The following SLC35F1 variants were observed in gnomAD, a reference collection of about 807,000 sequenced individuals.
The protein encoded by SLC35F1 is solute carrier family 35 member F1, also known as chromosome 6 open reading frame 169.
SLC35F1 carries 14 observed loss-of-function variants against 48.7 expected under a neutral mutation model. That is an observed-to-expected ratio of 0.29 (90% CI 0.19 to 0.45). The LOEUF (loss-of-function observed/expected upper bound fraction) is 0.45, where lower values mean the gene tolerates loss of function less well. SLC35F1 is among the 20% of genes least tolerant of loss of function. The pLI is 1.00. For missense variants in SLC35F1, 404 were observed against 500.0 expected (o/e 0.81, Z 1.83); for synonymous variants, 190 against 202.2 (o/e 0.94, Z 0.51).
chr6:118,170,134 A>C (rs1185729343), intron 2 of SLC35F1, among the ~76,000 whole-genome samples: 1 of 152,212 alleles, frequency 6.6e-6, no homozygotes, highest in Non-Finnish European at 1.5e-5. Flanking sequence ...TTGATATTGC[A>C]CTCTTTATTC....
At chr6:117,924,036 G>A (rs980394996) in intron 1 of SLC35F1, among the ~76,000 whole-genome samples, 1 of 147,220 alleles carries the variant, frequency 6.8e-6, no homozygotes. Flanking sequence ...TACACACATA[G>A]GTACACATGC....
At chr6:118,154,662 C>T (rs752561766) in intron 2 of SLC35F1, 42 bp downstream of exon 2, 1 of 1,535,686 alleles carries the variant, frequency 6.5e-7, no homozygotes. Context: ...TTTACAAACA[C>T]CTAAAAAAAA....
chr6:118,123,629 A>C (rs547286457), intron 1 of SLC35F1, among the ~76,000 whole-genome samples: 4 of 152,290 alleles, frequency 2.6e-5, no homozygotes, highest in African/African-American at 4.8e-5. Flanking sequence ...ATCTTCCCTA[A>C]AAAGAATGAC....
intron 1 of SLC35F1, among the ~76,000 whole-genome samples, chr6:118,120,073 C>T (rs1773532845): frequency 1.3e-5 from 2 of 152,176 alleles, no homozygotes; most frequent in Non-Finnish European, 2.9e-5. Flanking sequence ...GGTTTCCCAC[C>T]TTCTACAGTG....
At chr6:118,061,102 C>T (rs552039834) in intron 1 of SLC35F1, among the ~76,000 whole-genome samples, 1 of 152,346 alleles carries the variant, frequency 6.6e-6, no homozygotes, top group South Asian at 2.1e-4. Context: ...AAGTGACACT[C>T]ACAGGATAGA....
chr6:117,912,841 T>A (rs2224708), intron 1 of SLC35F1, among the ~76,000 whole-genome samples: 2 of 151,504 alleles, frequency 1.3e-5, no homozygotes, highest in African/African-American at 2.4e-5. Context: ...AAAGATGATG[T>A]GTTTTCAGGT....
intron 1 of SLC35F1, among the ~76,000 whole-genome samples, chr6:118,144,997 A>G (rs1304109803): frequency 6.6e-6 from 1 of 152,154 alleles, no homozygotes; most frequent in Non-Finnish European, 1.5e-5. Context: ...TTACCCATTT[A>G]AAGTGTACAA....
intron 1 of SLC35F1, among the ~76,000 whole-genome samples, chr6:117,968,278 C>T (rs1313125175): frequency 1.3e-5 from 2 of 152,162 alleles, no homozygotes; most frequent in African/African-American, 4.8e-5. Context: ...GGCTTTCTCA[C>T]TGAGAACAGC....
chr6:118,281,202 C>CTATATATA (rs1385900669), intron 6 of SLC35F1, among the ~76,000 whole-genome samples: 1,538 of 127,140 alleles, frequency 0.012, 12 homozygotes, highest in African/African-American at 0.02. Context: ...CTCTCTCTCT[C>CTATATATA]TCTATATATA....
At chr6:117,989,501 C>G (rs567368671) in intron 1 of SLC35F1, among the ~76,000 whole-genome samples, 1 of 152,268 alleles carries the variant, frequency 6.6e-6, no homozygotes, top group South Asian at 2.1e-4. Flanking sequence ...TTTGAGGCAG[C>G]TTTATCTCAA....
intron 1 of SLC35F1, among the ~76,000 whole-genome samples, chr6:118,068,914 C>G (rs1390576490): frequency 6.6e-6 from 1 of 151,994 alleles, no homozygotes; most frequent in African/African-American, 2.4e-5. Flanking sequence ...TTCAAGGTCA[C>G]TATTTTAAGT....
chr6:118,180,854 C>A (rs1223797927), intron 2 of SLC35F1, among the ~76,000 whole-genome samples: 4 of 151,844 alleles, frequency 2.6e-5, no homozygotes, highest in Non-Finnish European at 5.9e-5. Flanking sequence ...CTAGTGAATA[C>A]CAAGCAAGGT....
intron 2 of SLC35F1, among the ~76,000 whole-genome samples, chr6:118,194,301 A>T (rs910957604): frequency 6.6e-6 from 1 of 152,158 alleles, no homozygotes; most frequent in Admixed American, 6.6e-5. Context: ...CATGGAGGGG[A>T]AAAGATAAAG....
At chr6:118,190,658 A>C (rs541163575) in intron 2 of SLC35F1, among the ~76,000 whole-genome samples, 1 of 152,210 alleles carries the variant, frequency 6.6e-6, no homozygotes, top group East Asian at 1.9e-4. Context: ...GCTGCATGCA[A>C]ATATTTAAGA....
chr6:118,126,497 G>A (rs1262700038), intron 1 of SLC35F1, among the ~76,000 whole-genome samples: 1 of 151,926 alleles, frequency 6.6e-6, no homozygotes, highest in Non-Finnish European at 1.5e-5. Flanking sequence ...CTTTAAAGTA[G>A]TTTTTTCCAA....
At chr6:118,120,076 C>A (rs1182056962) in intron 1 of SLC35F1, among the ~76,000 whole-genome samples, 1 of 152,170 alleles carries the variant, frequency 6.6e-6, no homozygotes, top group Non-Finnish European at 1.5e-5. Flanking sequence ...TTCCCACCTT[C>A]TACAGTGCCT....
At chr6:118,249,605 G>T (rs569846969) in intron 3 of SLC35F1, among the ~76,000 whole-genome samples, 16 of 152,298 alleles carry the variant, frequency 1.1e-4, no homozygotes, top group East Asian at 1.9e-4. Context: ...AGATGGGTTT[G>T]TTCATAAATC....
At chr6:118,129,584 G>A (rs1773679839) in intron 1 of SLC35F1, among the ~76,000 whole-genome samples, 1 of 152,172 alleles carries the variant, frequency 6.6e-6, no homozygotes, top group African/African-American at 2.4e-5. Flanking sequence ...TGGCTGGGAT[G>A]AGGGTGTTGG....
At chr6:118,303,991 ACT>A (rs1776283671) in intron 7 of SLC35F1, among the ~76,000 whole-genome samples, 1 of 152,026 alleles carries the variant, frequency 6.6e-6, no homozygotes, top group Non-Finnish European at 1.5e-5. Context: ...ATCTGCAAAC[ACT>A]CTTTTTCCAA....
Sources: gnomAD v4.1 joint callset for allele counts (sites outside exome capture counted in the v4.1 genomes callset) on GRCh38, gnomAD v4.1.1 for gene constraint, MANE v1.5 for transcripts, NCBI Gene and HGNC (gene_info 2026-07-23, HGNC 2026-07-21) for gene names.